YTHDC2: variants seen among roughly 807,000 people sequenced by gnomAD.
YTHDC2 encodes the protein YTH N6-methyladenosine RNA binding protein C2.
In YTHDC2, 45 loss-of-function variants were observed where a neutral mutation model predicts 174.9. The observed-to-expected ratio is 0.26, with a 90% confidence interval of 0.20 to 0.33. The LOEUF is 0.33. Among genes scored for constraint, YTHDC2 ranks in the 10% least tolerant of loss-of-function variants. The pLI is 1.00. For missense variants in YTHDC2, 1,650 were observed against 1,723.7 expected, an observed-to-expected ratio of 0.96 and a Z score of 0.76; for synonymous variants, 657 against 574.5, an observed-to-expected ratio of 1.14 and a Z score of -2.05.
Position 113,563,402 on chromosome 5 carries a change from C to G in YTHDC2, c.2352C>G (p.Ala784=), listed in dbSNP as rs760343463. ...QELCLHTKLL[A]PVNCPIADFL... ...TTTGCTTACATACCAAGCTGTTAGC[C>G]CCAGTTAATTGTCCCATTGCTGATT... Residue 784 remains alanine (A), a synonymous_variant, in exon 19 of 30, where the codon GCC becomes GCG. Transcript: ENST00000161863. 2.5e-6 allele frequency: 4 copies of G among 1,610,012 alleles called. No individual in the cohort carries two copies. The South Asian group carries it at 3.3e-5, about 13-fold the overall frequency.
At chr5:113,563,280 G>C in intron 18 of YTHDC2, 93 bp from the exon 19 acceptor site, 2 of 1,085,278 alleles carry the variant, frequency 1.8e-6, no homozygotes, top group Non-Finnish European at 2.6e-6. Flanking sequence ...CTACTAGTCT[G>C]TGTTTGGGAA....
chr5:113,556,200 CA>C, intron 17 of YTHDC2, 66 bp downstream of exon 17: 1 of 777,192 alleles, frequency 1.3e-6, no homozygotes, highest in Non-Finnish European at 2.1e-6. Flanking sequence ...ATATGCATTA[CA>C]CATTTATCAT....
rs1443418692 is a variant in YTHDC2 at position 113,563,887 on chromosome 5, A to T, written c.2471A>T (p.Asp824Val). The change falls in exon 20 of 30, where the codon GAT becomes GTT. Residue 824 changes from aspartate to valine, a missense_variant. Asp to Val is a radical substitution (Grantham distance 152). Around this residue, in one of 5 missense-constraint regions of YTHDC2, gnomAD observed 913 missense variants for 940.4 expected, o/e 0.97. Coordinates refer to ENST00000161863, the MANE Select transcript of YTHDC2 (RefSeq NM_022828.5). Reference sequence around the variant, plus strand: ...ATAGATGCAATGGATACATGGGAAGATCTGACTGAACTTGGGTATCATTTG... The same window carrying T: ...ATAGATGCAATGGATACATGGGAAGTTCTGACTGAACTTGGGTATCATTTG... ...KTIDAMDTWEDLTELGYHLAD... is the reference protein window; with the variant it reads ...KTIDAMDTWEVLTELGYHLAD... 8.7e-6 allele frequency: 14 copies of T among 1,614,074 alleles called. No homozygotes were observed. Among genetic ancestry groups the T allele is most frequent in the Non-Finnish European group, 1.2e-5 (14 of 1,180,032 alleles).
At chr5:113,562,812 T>C (rs1481805584) in intron 18 of YTHDC2, among the ~76,000 whole-genome samples, 10 of 152,226 alleles carry the variant, frequency 6.6e-5, no homozygotes, top group Admixed American at 6.5e-4. Flanking sequence ...CTGAACTTGC[T>C]TAAATCATAT....
chr5:113,583,078 G>C (rs1235341941), intron 25 of YTHDC2: 1 of 152,170 alleles, frequency 6.6e-6, no homozygotes, highest in Non-Finnish European at 1.5e-5. Flanking sequence ...CCTATGAAAA[G>C]TTCTGTTAGA....
Position 113,565,964 on chromosome 5 carries a change from T to C in YTHDC2, c.2787T>C (p.Thr929=), listed in dbSNP as rs1181236072. 10 of 1,613,562 alleles carry C rather than the reference T, an allele frequency of 6.2e-6. No individual in the cohort carries two copies. Among genetic ancestry groups the C allele is most frequent in the Non-Finnish European group, 8.5e-6 (10 of 1,179,724 alleles). Residue 929 remains threonine, a synonymous_variant, in exon 21 of 30, where the codon ACT becomes ACC. Coordinates refer to ENST00000161863, the MANE Select transcript of YTHDC2 (RefSeq NM_022828.5). ...AAAAGAATTTTCTTTCACAGGCTAC[T>C]ATGGAAATAATCATAGGCATGAGAA... ...FCEKNFLSQA[T]MEIIIGMRTQ... is the part of the protein sequence containing the mutation.
intron 17 of YTHDC2, among the ~76,000 whole-genome samples, chr5:113,559,416 T>C (rs963419883): frequency 1.3e-5 from 2 of 152,080 alleles, no homozygotes; most frequent in East Asian, 3.9e-4. Flanking sequence ...AGAGCAAATA[T>C]CACATTTATG....
In YTHDC2 at chr5:113,534,265, A is replaced by G. The variant is rs776084146; in HGVS notation, c.843-40A>G. On this transcript the variant is annotated intron_variant, in intron 5 of 29. Transcript: ENST00000161863. ...TGATTATATTTTAGTTACATGAAAA[A>G]CTTGCAATTGTGCACTTTGTTTTGC... The G allele has an allele frequency of 2.7e-6, 4 of 1,505,232 alleles. No individual in the cohort carries two copies. The East Asian group carries it at 9.1e-5, about 34-fold the overall frequency. 93.2% of individuals were successfully genotyped at this position (1,505,232 alleles called of 1,614,324 possible). A position where few individuals can be genotyped will look rare whatever the true frequency, so the allele number is the denominator to read the frequency against.
chr5:113,590,909 T>C (rs892827195), intron 26 of YTHDC2, 132 bp from the exon 27 acceptor site: 1 of 735,732 alleles, frequency 1.4e-6, no homozygotes, highest in African/African-American at 1.8e-5. Flanking sequence ...TCAGACATGA[T>C]AGAGCTATTT....
chr5:113,554,633 G>T (rs1296163226), intron 16 of YTHDC2, among the ~76,000 whole-genome samples: 1 of 151,878 alleles, frequency 6.6e-6, no homozygotes, highest in Non-Finnish European at 1.5e-5. Context: ...CTCTATGGTT[G>T]CTGCCTTCAT....
At chr5:113,575,663 G>A (rs1677754969) in intron 23 of YTHDC2, among the ~76,000 whole-genome samples, 1 of 152,132 alleles carries the variant, frequency 6.6e-6, no homozygotes. Context: ...AAGGTTGAAA[G>A]GAAAGCAAGG....
intron 2 of YTHDC2, among the ~76,000 whole-genome samples, chr5:113,517,165 T>G (rs1773488814): frequency 6.6e-6 from 1 of 152,232 alleles, no homozygotes; most frequent in African/African-American, 2.4e-5. Context: ...ATATTTTTGC[T>G]GGAAATTCTA....
intron 23 of YTHDC2, among the ~76,000 whole-genome samples, chr5:113,569,320 C>T (rs1053895773): frequency 4.6e-5 from 7 of 152,132 alleles, no homozygotes; most frequent in African/African-American, 1.7e-4. Flanking sequence ...ATAGTTGTTT[C>T]TTTTGCTGTG....
In YTHDC2 at chr5:113,567,072, G is replaced by A. The variant is rs755355120; in HGVS notation, c.2843-20G>A. 1.2e-6 allele frequency: 2 copies of A among 1,600,530 alleles called. No individual in the cohort carries two copies. Among genetic ancestry groups the A allele is most frequent in the Non-Finnish European group, 1.7e-6 (2 of 1,174,806 alleles). On this transcript the variant is annotated intron_variant, in intron 21 of 29. Transcript: ENST00000161863. ...TCTTTTGCACAATAGAAAAATTGGT[G>A]TGGTTTTTTTCCCCTCTAGGTTTTG...
chr5:113,544,303 C>A (rs1171821595), intron 10 of YTHDC2, among the ~76,000 whole-genome samples: 5 of 152,070 alleles, frequency 3.3e-5, no homozygotes. Flanking sequence ...TGTGCGTCAC[C>A]ATGCCCAGCT....
rs971550775 is a variant in YTHDC2 at position 113,515,166 on chromosome 5, A to T, written c.188-106A>T. The T allele has an allele frequency of 2.6e-5, 17 of 664,414 alleles. No individual in the cohort carries two copies. The African/African-American group carries it at 2.7e-4, about 11-fold the overall frequency. The allele number at this position is 664,414 out of a possible 1,614,324, so 41.2% of individuals were successfully genotyped here. On this transcript the variant is annotated intron_variant, in intron 1 of 29. Coordinates refer to ENST00000161863, the MANE Select transcript of YTHDC2 (RefSeq NM_022828.5). ...AAGTTAACCTCAAATAAAGTATAAT[A>T]AATTTGATTGTCTATGTATGTTTTT...
intron 25 of YTHDC2, chr5:113,581,914 A>T (rs912668648): frequency 6.8e-5 from 26 of 380,828 alleles, no homozygotes; most frequent in Non-Finnish European, 4.4e-6. Flanking sequence ...ATTTTAAACT[A>T]TTGATATCTG....
At chr5:113,518,556 CGTGTGTGTGTGTGTGTGTGTGTGTGT>C (rs67062871) in intron 2 of YTHDC2, among the ~76,000 whole-genome samples, 4 of 144,572 alleles carry the variant, frequency 2.8e-5, no homozygotes, top group African/African-American at 5.1e-5. Flanking sequence ...AGTTAGTTTT[CGTGTGTGTGTGTGTGTGTGTGTGTGT>C]GTGTGTGTGT....
intron 26 of YTHDC2, among the ~76,000 whole-genome samples, chr5:113,589,408 A>AAATATATAT (rs368975720): frequency 1.2e-3 from 143 of 123,226 alleles, no homozygotes; most frequent in Non-Finnish European, 1.6e-3. Flanking sequence ...AAAAAAAAAA[A>AAATATATAT]ATATATATAT....
Sources: allele counts gnomAD v4.1 joint callset (sites outside exome capture counted in the v4.1 genomes callset), GRCh38; gene constraint gnomAD v4.1.1; regional missense constraint gnomAD v4.1.1; transcripts MANE v1.5; gene names NCBI Gene and HGNC (gene_info 2026-07-23, HGNC 2026-07-21).